Variants in MAGI2 observed in about 807,000 individuals in gnomAD.
MAGI2 encodes membrane-associated guanylate kinase, WW and PDZ domain-containing protein 2.
In MAGI2, 35 loss-of-function variants were observed where a neutral mutation model predicts 133.3. The ratio of observed to expected loss-of-function variants is 0.26; its 90% CI spans 0.20 to 0.35. The LOEUF (loss-of-function observed/expected upper bound fraction) is 0.35. Ranked by LOEUF, MAGI2 falls within the 10% of genes least tolerant of loss-of-function variation. The probability of loss-of-function intolerance (pLI) is 1.00; values close to 1 mark genes in which losing one functional copy is unlikely to be tolerated. For synonymous variants in MAGI2, 729 were observed against 710.6 expected, an observed-to-expected ratio of 1.03 and a Z score of -0.41; for missense variants, 1,636 against 1,863.4, an observed-to-expected ratio of 0.88 and a Z score of 2.25.
chr7:78,516,272 G>A (rs571005028), intron 4 of MAGI2, among the ~76,000 whole-genome samples: 9 of 152,324 alleles, frequency 5.9e-5, no homozygotes, highest in African/African-American at 2.2e-4. Flanking sequence ...AACAGGACCT[G>A]AGTTGCTACC....
At chr7:78,981,330 T>C (rs1208967019) in intron 2 of MAGI2, among the ~76,000 whole-genome samples, 3 of 151,704 alleles carry the variant, frequency 2.0e-5, no homozygotes, top group East Asian at 1.9e-4. Flanking sequence ...TTCGTCTCTT[T>C]ATCTCTCTAT....
At chr7:78,973,455 T>C (rs1057215091) in intron 2 of MAGI2, among the ~76,000 whole-genome samples, 2 of 151,830 alleles carry the variant, frequency 1.3e-5, no homozygotes, top group African/African-American at 4.8e-5. Flanking sequence ...GAATTTCCAT[T>C]CCTCTGTGCA....
intron 1 of MAGI2, among the ~76,000 whole-genome samples, chr7:79,290,094 T>C (rs914896420): frequency 1.3e-5 from 2 of 152,026 alleles, no homozygotes; most frequent in African/African-American, 4.8e-5. Flanking sequence ...AAAAATCACA[T>C]ATTAACTACA....
chr7:78,063,006 C>G (rs759250034), intron 21 of MAGI2, among the ~76,000 whole-genome samples: 8 of 152,188 alleles, frequency 5.3e-5, no homozygotes, highest in Non-Finnish European at 5.9e-5. Context: ...CAATATCCAA[C>G]CCCAATGTGC....
At chr7:78,076,702 C>T (rs545992124) in intron 21 of MAGI2, among the ~76,000 whole-genome samples, 5 of 148,870 alleles carry the variant, frequency 3.4e-5, no homozygotes, top group East Asian at 2.0e-4. Context: ...AAAAATTAGC[C>T]GGGCGCGGTG....
intron 2 of MAGI2, among the ~76,000 whole-genome samples, chr7:78,878,464 G>A (rs1244573130): frequency 6.6e-6 from 1 of 152,170 alleles, no homozygotes; most frequent in Non-Finnish European, 1.5e-5. Flanking sequence ...TTTCCTGTAT[G>A]TGGAATGTAA....
chr7:78,165,549 A>G (rs1460187868), intron 15 of MAGI2, among the ~76,000 whole-genome samples: 1 of 152,148 alleles, frequency 6.6e-6, no homozygotes, highest in African/African-American at 2.4e-5. Context: ...AGAAGGCGGA[A>G]GCGTGTCATC....
intron 1 of MAGI2, among the ~76,000 whole-genome samples, chr7:79,056,982 C>G (rs1404644874): frequency 6.6e-6 from 1 of 152,174 alleles, no homozygotes; most frequent in Non-Finnish European, 1.5e-5. Flanking sequence ...AGAGATCATA[C>G]TATTTCAGAA....
At chr7:78,670,792 C>A (rs1814284779) in intron 2 of MAGI2, among the ~76,000 whole-genome samples, 1 of 152,046 alleles carries the variant, frequency 6.6e-6, no homozygotes, top group Non-Finnish European at 1.5e-5. Context: ...AAAAAGAAAA[C>A]AAATTGCTTT....
At chr7:78,221,252 A>G (rs1788798856) in intron 10 of MAGI2, among the ~76,000 whole-genome samples, 1 of 152,124 alleles carries the variant, frequency 6.6e-6, no homozygotes. Context: ...TGGCTTTCTC[A>G]TCAGGATGAC....
chr7:78,566,935 A>G (rs903959020), intron 3 of MAGI2, among the ~76,000 whole-genome samples: 4 of 152,146 alleles, frequency 2.6e-5, no homozygotes, highest in Admixed American at 2.0e-4. Context: ...TAGATTTCCT[A>G]TTTTAGATAT....
chr7:79,345,759 G>A (rs1356353820), intron 1 of MAGI2, among the ~76,000 whole-genome samples: 1 of 152,080 alleles, frequency 6.6e-6, no homozygotes, highest in Non-Finnish European at 1.5e-5. Flanking sequence ...TAAGGATTCT[G>A]TGTGATAGTA....
At chr7:79,192,731 G>A (rs185009597) in intron 1 of MAGI2, among the ~76,000 whole-genome samples, 162 of 151,900 alleles carry the variant, frequency 1.1e-3, no homozygotes, top group Non-Finnish European at 1.7e-3. Flanking sequence ...GATACAAAGA[G>A]GACAAATTGG....
intron 2 of MAGI2, among the ~76,000 whole-genome samples, chr7:78,695,489 A>C (rs1272710672): frequency 1.3e-5 from 2 of 152,138 alleles, no homozygotes; most frequent in African/African-American, 2.4e-5. Context: ...GGCAGCCTTC[A>C]CATACCCTTA....
In MAGI2 at chr7:79,371,722, A is replaced by G. The variant is rs1290744774; in HGVS notation, c.301+81298T>C. Among the ~76,000 whole-genome samples the G allele has an allele frequency of 2.0e-5, 3 of 152,152 alleles. No homozygotes were observed. The East Asian group carries it at 5.8e-4, about 29-fold the overall frequency. On this transcript the variant is annotated intron_variant, in intron 1 of 21. Transcript: ENST00000354212. ...CTTAAAGATACATTTCTCACAATAT[A>G]GCCTGTCATTAAGCATTGCCTGTAT...
At chr7:78,330,336 G>A (rs375668349) in intron 9 of MAGI2, among the ~76,000 whole-genome samples, 1 of 37,338 alleles carries the variant, frequency 2.7e-5, no homozygotes, top group South Asian at 4.4e-4. Flanking sequence ...ATTCCTTCAC[G>A]GCCGGGCGCG....
chr7:78,861,582 C>T (rs1794159512), intron 2 of MAGI2, among the ~76,000 whole-genome samples: 1 of 152,202 alleles, frequency 6.6e-6, no homozygotes, highest in Non-Finnish European at 1.5e-5. Flanking sequence ...AAGTATCTGG[C>T]TTCCAATCCT....
At chr7:79,329,803 T>G (rs1839936411) in intron 1 of MAGI2, among the ~76,000 whole-genome samples, 1 of 152,312 alleles carries the variant, frequency 6.6e-6, no homozygotes, top group South Asian at 2.1e-4. Flanking sequence ...TATTAATAGT[T>G]TTTAAGCATT....
intron 6 of MAGI2, among the ~76,000 whole-genome samples, chr7:78,394,215 A>T (rs1562936586): frequency 6.6e-6 from 1 of 152,210 alleles, no homozygotes. Context: ...CTATCTGGGC[A>T]TCCCTTACCT....
Sources: gnomAD v4.1 joint callset for allele counts (sites outside exome capture counted in the v4.1 genomes callset) on GRCh38, gnomAD v4.1.1 for gene constraint, MANE v1.5 for transcripts, NCBI Gene and HGNC (gene_info 2026-07-23, HGNC 2026-07-21) for gene names.